SIPA1L3: variants seen among roughly 807,000 people sequenced by gnomAD.
SIPA1L3 encodes signal induced proliferation associated 1 like 3.
A neutral mutation model predicts 150.1 loss-of-function variants in SIPA1L3; 59 were observed. The observed-to-expected ratio is 0.39, with a 90% CI of 0.32 to 0.49. The LOEUF is 0.49. Ranked by LOEUF, SIPA1L3 falls within the 20% of genes least tolerant of loss-of-function variation. The pLI, the probability that SIPA1L3 is intolerant of heterozygous loss-of-function variation, is 0.86. For missense variants in SIPA1L3, 2,211 were observed against 2,489.5 expected, an observed-to-expected ratio of 0.89 and a Z score of 2.38; for synonymous variants, 1,070 against 1,077.6, an observed-to-expected ratio of 0.99 and a Z score of 0.14.
intron 16 of SIPA1L3, among the ~76,000 whole-genome samples, chr19:38,188,737 A>G (rs951225221): frequency 4.9e-4 from 73 of 149,930 alleles, no homozygotes; most frequent in Admixed American, 9.3e-4. Context: ...CCTGGCTAAC[A>G]TGGTGAAACC....
intron 1 of SIPA1L3, 121 bp from the exon 2 acceptor site, chr19:38,028,968 A>C (rs1015204275): frequency 6.6e-6 from 1 of 152,252 alleles, no homozygotes; most frequent in Non-Finnish European, 1.5e-5. Context: ...TGCTGGGATT[A>C]CACTCAGCCA....
At chr19:38,143,271 C>G (rs1321044374) in intron 12 of SIPA1L3, among the ~76,000 whole-genome samples, 1 of 152,158 alleles carries the variant, frequency 6.6e-6, no homozygotes, top group Non-Finnish European at 1.5e-5. Context: ...AGCCCTCGTG[C>G]CCTCTGTTCT....
chr19:38,111,851 TG>T (rs1281732242), intron 8 of SIPA1L3, among the ~76,000 whole-genome samples: 1 of 152,162 alleles, frequency 6.6e-6, no homozygotes, highest in Non-Finnish European at 1.5e-5. Flanking sequence ...TTGGATGAGA[TG>T]GGAGATATTT....
chr19:38,149,336 C>G (rs898554013), intron 12 of SIPA1L3, among the ~76,000 whole-genome samples: 2 of 151,962 alleles, frequency 1.3e-5, no homozygotes, highest in East Asian at 3.9e-4. Context: ...AGTGGAAGTT[C>G]GCGTCACTGC....
chr19:38,159,515 A>T (rs903280090), intron 13 of SIPA1L3, among the ~76,000 whole-genome samples: 1 of 152,202 alleles, frequency 6.6e-6, no homozygotes, highest in Non-Finnish European at 1.5e-5. Flanking sequence ...GGCCAAGCCC[A>T]CGGCCCATCA....
At chr19:38,136,183 C>CAAAATAAA (rs1439432815) in intron 10 of SIPA1L3, among the ~76,000 whole-genome samples, 6 of 44,114 alleles carry the variant, frequency 1.4e-4, no homozygotes, top group African/African-American at 5.0e-4. Context: ...GAGACTGTCT[C>CAAAATAAA]AAAAAAAAAA....
chr19:38,046,459 C>T lies in SIPA1L3; in HGVS notation c.-311+17303C>T, dbSNP rs916035341. Among the ~76,000 whole-genome samples, 8 of 152,120 alleles carry T rather than the reference C, an allele frequency of 5.3e-5. No individual in the cohort carries two copies. Among genetic ancestry groups the T allele is most frequent in the African/African-American group, 4.8e-5 (2 of 41,426 alleles). On this transcript the variant is annotated intron_variant, in intron 2 of 21. Transcript: ENST00000222345. This position sits in a 1 kb window ranked among gnomAD's most constrained non-coding sequence, Gnocchi z 5.6. ...GGTGGTGGAGTCTTTGACCTCATGC[C>T]GATCAACGTGCTTCTCTCGGTTCCC...
At chr19:38,034,912 G>A (rs546422023) in intron 2 of SIPA1L3, among the ~76,000 whole-genome samples, 2 of 152,146 alleles carry the variant, frequency 1.3e-5, no homozygotes, top group South Asian at 2.1e-4. Context: ...TCCCCTGCCC[G>A]TCCCTGTAGA....
intron 1 of SIPA1L3, among the ~76,000 whole-genome samples, chr19:38,028,155 A>G (rs1414824253): frequency 2.0e-5 from 3 of 152,174 alleles, no homozygotes; most frequent in African/African-American, 7.2e-5. Context: ...TCATTCATCC[A>G]TGGAATATTC....
In SIPA1L3 at chr19:37,907,372, G is replaced by A. The variant is rs949438581; in HGVS notation, c.-379+14G>A. On this transcript the variant is annotated intron_variant, in intron 1 of 21. Transcript: ENST00000222345. Reference sequence around the variant, plus strand: ...CGGGGCGTCCAGGTACGTGGCTCCGGGTGCAGGATCGGCCTCGCGCAAGGG... The same window carrying A: ...CGGGGCGTCCAGGTACGTGGCTCCGAGTGCAGGATCGGCCTCGCGCAAGGG... 12 of 152,306 alleles carry A rather than the reference G, an allele frequency of 7.9e-5. No homozygotes were observed. The highest frequency in any genetic ancestry group is 7.9e-4 in the Admixed American group (12 of 15,286). 9.4% of individuals were successfully genotyped at this position (152,306 alleles called of 1,614,324 possible).
At chr19:38,001,013 CA>C (rs1967792923) in intron 1 of SIPA1L3, among the ~76,000 whole-genome samples, 1 of 149,256 alleles carries the variant, frequency 6.7e-6, no homozygotes, top group African/African-American at 2.5e-5. Flanking sequence ...ATCATATACA[CA>C]TATATATCAC....
chr19:38,105,798 T>C (rs1970610359), intron 6 of SIPA1L3, among the ~76,000 whole-genome samples: 1 of 152,232 alleles, frequency 6.6e-6, no homozygotes, highest in Non-Finnish European at 1.5e-5. Context: ...ACCAGTGTGT[T>C]CACCCATTCT....
At chr19:38,031,475 A>C (rs1968652877) in intron 2 of SIPA1L3, among the ~76,000 whole-genome samples, 1 of 152,044 alleles carries the variant, frequency 6.6e-6, no homozygotes, top group Non-Finnish European at 1.5e-5. Flanking sequence ...CTGCTCTGCT[A>C]TTTTGTTGGG....
chr19:38,092,556 G>A (rs1476439542), intron 4 of SIPA1L3, among the ~76,000 whole-genome samples: 3 of 152,164 alleles, frequency 2.0e-5, no homozygotes, highest in South Asian at 2.1e-4. Context: ...AAAACTAGCC[G>A]TGGGGGACTC....
At chr19:38,052,811 T>A (rs1161813008) in intron 2 of SIPA1L3, among the ~76,000 whole-genome samples, 1 of 152,202 alleles carries the variant, frequency 6.6e-6, no homozygotes, top group Non-Finnish European at 1.5e-5. Flanking sequence ...GTTCCTCCTC[T>A]GCCGGAGGAG....
Position 38,121,322 on chromosome 19 carries a change from C to T in SIPA1L3, c.2868+1440C>T, listed in dbSNP as rs532854592. On this transcript the variant is annotated intron_variant, in intron 9 of 21. Coordinates refer to ENST00000222345, the MANE Select transcript of SIPA1L3 (RefSeq NM_015073.3). ...GCATGGTGGTGGGCGCCTGTAGTCC[C>T]GGCTACTTGGGAGGCTGAGGCAGGA... Among the ~76,000 whole-genome samples, 32 of 151,840 alleles carry T rather than the reference C, an allele frequency of 2.1e-4. 1 individual carries two copies. The South Asian group carries it at 5.2e-3, about 25-fold the overall frequency.
chr19:37,977,355 G>A (rs1967100493), intron 1 of SIPA1L3, among the ~76,000 whole-genome samples: 1 of 152,078 alleles, frequency 6.6e-6, no homozygotes, highest in African/African-American at 2.4e-5. Context: ...AGCAGAGACA[G>A]GGTTTTGCCA....
intron 1 of SIPA1L3, among the ~76,000 whole-genome samples, chr19:37,955,088 CAAAAAAAAAA>C (rs34802797): frequency 2.2e-5 from 1 of 45,416 alleles, no homozygotes; most frequent in East Asian, 5.5e-4. Flanking sequence ...TGCTGTCTCT[CAAAAAAAAAA>C]AAAAAAAAAA....
At chr19:38,114,975 G>C (rs1294346845) in intron 8 of SIPA1L3, among the ~76,000 whole-genome samples, 1 of 152,212 alleles carries the variant, frequency 6.6e-6, no homozygotes, top group Non-Finnish European at 1.5e-5. Context: ...GCCAGCACCT[G>C]CCTCTGTTGG....
Sources: allele counts gnomAD v4.1 joint callset (sites outside exome capture counted in the v4.1 genomes callset), GRCh38; gene constraint gnomAD v4.1.1; non-coding constraint Gnocchi (gnomAD v3.1); transcripts MANE v1.5; gene names NCBI Gene and HGNC (gene_info 2026-07-23, HGNC 2026-07-21).